SEMA6D: variants seen among roughly 807,000 people sequenced by gnomAD.
SEMA6D encodes semaphorin 6D.
A neutral mutation model predicts 106.6 loss-of-function variants in SEMA6D; 35 were observed. The ratio of observed to expected loss-of-function variants is 0.33; its 90% CI spans 0.25 to 0.44. SEMA6D has a LOEUF of 0.44. SEMA6D is among the 20% of genes least tolerant of loss of function. The pLI is 1.00. For missense variants in SEMA6D, 1,185 were observed against 1,345.9 expected, an observed-to-expected ratio of 0.88 and a Z score of 1.87; for synonymous variants, 499 against 487.7, an observed-to-expected ratio of 1.02 and a Z score of -0.31.
At chr15:47,444,459 A>G (rs1013033552) in intron 2 of SEMA6D, among the ~76,000 whole-genome samples, 1 of 146,330 alleles carries the variant, frequency 6.8e-6, no homozygotes, top group African/African-American at 2.5e-5. Flanking sequence ...ATGCCCGGAT[A>G]AGATTTCAAG....
intron 4 of SEMA6D, among the ~76,000 whole-genome samples, chr15:47,707,360 T>C (rs1567003364): frequency 6.6e-6 from 1 of 152,238 alleles, no homozygotes; most frequent in East Asian, 1.9e-4. Flanking sequence ...ACCAAAGTTC[T>C]CTAAAAATTT....
chr15:47,225,833 T>C (rs540562723), intron 1 of SEMA6D, among the ~76,000 whole-genome samples: 1 of 152,180 alleles, frequency 6.6e-6, no homozygotes, highest in South Asian at 2.1e-4. Flanking sequence ...CCCAGTCTTC[T>C]TGTGGAGTTT....
chr15:47,193,481 A>G (rs1438844281), intron 1 of SEMA6D, among the ~76,000 whole-genome samples: 1 of 152,170 alleles, frequency 6.6e-6, no homozygotes, highest in Admixed American at 6.5e-5. Context: ...TCTCAAGAAT[A>G]AGGAATACTG....
chr15:47,317,233 C>CT (rs2036719216), intron 1 of SEMA6D, among the ~76,000 whole-genome samples: 1 of 152,074 alleles, frequency 6.6e-6, no homozygotes, highest in Non-Finnish European at 1.5e-5. Flanking sequence ...CTTTTAATGT[C>CT]TTTGGGACTG....
chr15:47,437,320 G>A lies in SEMA6D; in HGVS notation c.-159+24848G>A, dbSNP rs575836113. ...TAGGGCAAGGGTCATGTCTTATGATGTTTTTACTCCCATCACTAAGAAAAC... is the reference window on the plus strand; with the variant it reads ...TAGGGCAAGGGTCATGTCTTATGATATTTTTACTCCCATCACTAAGAAAAC... On this transcript the variant is annotated intron_variant, in intron 2 of 19. Transcript: ENST00000558014. Among the ~76,000 whole-genome samples, 241 of 152,170 alleles carry A rather than the reference G, an allele frequency of 1.6e-3. 1 individual carries two copies. Among genetic ancestry groups the A allele is most frequent in the Non-Finnish European group, 2.6e-3 (176 of 67,984 alleles).
At chr15:47,515,555 T>A (rs1028575352) in intron 3 of SEMA6D, among the ~76,000 whole-genome samples, 6 of 152,098 alleles carry the variant, frequency 3.9e-5, no homozygotes, top group African/African-American at 1.4e-4. Flanking sequence ...GATATAAACT[T>A]TTGTAGCAAG....
chr15:47,235,586 C>T (rs1243170207), intron 1 of SEMA6D, among the ~76,000 whole-genome samples: 1 of 151,976 alleles, frequency 6.6e-6, no homozygotes, highest in African/African-American at 2.4e-5. Flanking sequence ...ATTCTTTCTT[C>T]GATTTATGTT....
At chr15:47,705,068 A>G (rs1227355974) in intron 4 of SEMA6D, among the ~76,000 whole-genome samples, 1 of 152,156 alleles carries the variant, frequency 6.6e-6, no homozygotes, top group African/African-American at 2.4e-5. Context: ...ACATTGTCCT[A>G]AGCACTCGGG....
intron 1 of SEMA6D, chr15:47,272,869 G>A (rs1414947389): frequency 3.3e-5 from 5 of 152,148 alleles, no homozygotes; most frequent in Admixed American, 6.6e-5. Flanking sequence ...TTGCTTTGCT[G>A]GAAATTTTTG....
intron 1 of SEMA6D, among the ~76,000 whole-genome samples, chr15:47,220,516 C>G (rs750910560): frequency 2.0e-5 from 3 of 152,104 alleles, no homozygotes; most frequent in Non-Finnish European, 2.9e-5. Context: ...TTCTGAACTG[C>G]TTGTCTGAGG....
intron 1 of SEMA6D, among the ~76,000 whole-genome samples, chr15:47,317,897 G>A (rs2036745588): frequency 6.6e-6 from 1 of 151,700 alleles, no homozygotes; most frequent in Non-Finnish European, 1.5e-5. Flanking sequence ...TTTTGAGTTT[G>A]TCATTAATTG....
At chr15:47,283,145 T>C (rs1219101855) in intron 1 of SEMA6D, among the ~76,000 whole-genome samples, 2 of 152,114 alleles carry the variant, frequency 1.3e-5, no homozygotes, top group Admixed American at 6.6e-5. Flanking sequence ...TGGTGTCCCA[T>C]ATTCCACCCC....
chr15:47,627,437 A>C (rs2077222432), intron 4 of SEMA6D, among the ~76,000 whole-genome samples: 1 of 152,140 alleles, frequency 6.6e-6, no homozygotes, highest in African/African-American at 2.4e-5. Context: ...TGCCTCTATC[A>C]ATCAAGTTTC....
intron 1 of SEMA6D, among the ~76,000 whole-genome samples, chr15:47,399,824 G>A (rs1034745157): frequency 6.6e-6 from 1 of 152,196 alleles, no homozygotes; most frequent in Non-Finnish European, 1.5e-5. Context: ...CGGAAGAAAA[G>A]ACATGTGAAA....
intron 4 of SEMA6D, among the ~76,000 whole-genome samples, chr15:47,620,433 G>A (rs2077078218): frequency 6.6e-6 from 1 of 152,104 alleles, no homozygotes; most frequent in Non-Finnish European, 1.5e-5. Context: ...CAAGACAATG[G>A]GGACTTGTAA....
At chr15:47,469,852 C>T (rs917684332) in intron 2 of SEMA6D, among the ~76,000 whole-genome samples, 2 of 152,086 alleles carry the variant, frequency 1.3e-5, no homozygotes, top group African/African-American at 4.8e-5. Flanking sequence ...ATTTACTTTA[C>T]TCCCACTTAA....
At chr15:47,522,206 G>C (rs929050454) in intron 3 of SEMA6D, among the ~76,000 whole-genome samples, 1 of 152,166 alleles carries the variant, frequency 6.6e-6, no homozygotes, top group Non-Finnish European at 1.5e-5. Flanking sequence ...GTCTCAGAAT[G>C]TCCTATGCTT....
intron 2 of SEMA6D, among the ~76,000 whole-genome samples, chr15:47,444,300 G>T (rs764625753): frequency 5.3e-5 from 8 of 152,142 alleles, no homozygotes; most frequent in Non-Finnish European, 1.2e-4. Flanking sequence ...ATTCACAAAG[G>T]AGAAAGTTCA....
chr15:47,208,049 A>ACT (rs1895228653), intron 1 of SEMA6D, among the ~76,000 whole-genome samples: 3 of 143,130 alleles, frequency 2.1e-5, no homozygotes, highest in African/African-American at 7.8e-5. Context: ...ACACACACAC[A>ACT]CTACTGTAAC....
Sources: gnomAD v4.1 joint callset for allele counts (sites outside exome capture counted in the v4.1 genomes callset) on GRCh38, gnomAD v4.1.1 for gene constraint, MANE v1.5 for transcripts, NCBI Gene and HGNC (gene_info 2026-07-23, HGNC 2026-07-21) for gene names.